UBL3: variants seen among roughly 807,000 people sequenced by gnomAD.
The protein encoded by UBL3 is ubiquitin like 3, also known as ubiquitin-like protein 3.
A neutral mutation model predicts 18.4 loss-of-function variants in UBL3; 6 were observed. The observed-to-expected ratio is 0.33, with a 90% CI of 0.18 to 0.64. The LOEUF (loss-of-function observed/expected upper bound fraction) is 0.64, where lower values mean the gene tolerates loss of function less well. UBL3 is among the 30% of genes least tolerant of loss of function. The pLI is 0.76. For synonymous variants in UBL3, 49 were observed against 46.6 expected, an observed-to-expected ratio of 1.05 and a Z score of -0.21; for missense variants, 109 against 142.9, an observed-to-expected ratio of 0.76 and a Z score of 1.21.
chr13:29,779,204 C>CTAA, intron 1 of UBL3: 1 of 500,570 alleles, frequency 2.0e-6, no homozygotes, highest in Non-Finnish European at 4.0e-6. Flanking sequence ...AGCAAGGAAC[C>CTAA]TAACATCTAT....
In UBL3 at chr13:29,850,177, A is replaced by G. The variant is rs1229583077; in HGVS notation, c.-639T>C. 1 of 152,606 alleles carries G rather than the reference A, an allele frequency of 6.6e-6. No homozygotes were observed. The highest frequency in any genetic ancestry group is 1.5e-5 in the Non-Finnish European group (1 of 68,316). The allele number at this position is 152,606 out of a possible 1,614,324, so 9.5% of individuals were successfully genotyped here. On this transcript the variant is annotated 5_prime_UTR_variant, in exon 1 of 5. Transcript: ENST00000380680. ...GGAAACCCGCGCTCAAGGGCATTTA[A>G]CTAGTTGGAAGCCAAAGCGAAAGAC...
rs768052490 is a variant in UBL3 at position 29,781,091 on chromosome 13, C to G, written c.28-3828G>C. Among the ~76,000 whole-genome samples, 78 of 152,046 alleles carry G rather than the reference C, an allele frequency of 5.1e-4. 1 individual carries two copies. The highest frequency in any genetic ancestry group is 3.4e-4 in the Non-Finnish European group (23 of 68,022). ...TTGGGAGGCTGAGGCAGGAGAATCA[C>G]TTGAACCCCAGAGGCAGAGGTTGCA... On this transcript the variant is annotated intron_variant, in intron 1 of 4. Transcript: ENST00000380680.
rs11372209 is a variant in UBL3, at chr13:29,848,280, CAAAAAAAAAAAAAAAA to C, written c.27+1216_27+1231del. On this transcript the variant is annotated intron_variant, in intron 1 of 4. Transcript: ENST00000380680. Reference sequence around the variant, plus strand: ...CCAACATGGTGAAACCCTGTCTCCACAAAAAAAAAAAAAAAAAAAAAAAAAAATTAGCCAGGTGTGG... The same window carrying C: ...CCAACATGGTGAAACCCTGTCTCCACAAAAAAAAAAATTAGCCAGGTGTGG... 6.0e-4 allele frequency among the ~76,000 whole-genome samples: 41 copies of C among 68,322 alleles called. No homozygotes were observed. In the South Asian group the frequency reaches 0.015, roughly 25 times the overall value. The allele number at this position is 68,322 out of a possible 152,430, so 44.8% of individuals were successfully genotyped here.
chr13:29,828,049 G>T (rs1878670869), intron 1 of UBL3, among the ~76,000 whole-genome samples: 1 of 152,182 alleles, frequency 6.6e-6, no homozygotes, highest in Non-Finnish European at 1.5e-5. Context: ...CAAGAGATCA[G>T]CTGTTAGTCT....
intron 1 of UBL3, among the ~76,000 whole-genome samples, chr13:29,783,473 G>A (rs781102251): frequency 1.3e-5 from 2 of 152,246 alleles, no homozygotes; most frequent in Middle Eastern, 3.4e-3. Flanking sequence ...AAGAAAGATG[G>A]AGAAAAACAC....
chr13:29,840,904 C>T (rs1346013652), intron 1 of UBL3, among the ~76,000 whole-genome samples: 1 of 152,018 alleles, frequency 6.6e-6, no homozygotes, highest in Non-Finnish European at 1.5e-5. Flanking sequence ...TACTTATTTG[C>T]ATAGATAGAT....
At chr13:29,810,213 A>G (rs1878014308) in intron 1 of UBL3, among the ~76,000 whole-genome samples, 1 of 152,132 alleles carries the variant, frequency 6.6e-6, no homozygotes, top group Non-Finnish European at 1.5e-5. Context: ...TTGTTTTTTA[A>G]AAAGTGGAGA....
Position 29,764,700 on chromosome 13 carries a change from T to C in UBL3, c.*2555A>G. On this transcript the variant is annotated 3_prime_UTR_variant, in exon 5 of 5. Transcript: ENST00000380680. The stretch of plus-strand genomic sequence containing the variant: ...ACACTTAACAAAGTTCAGGACAATT[T>C]AGGTAAAAGAGATGAGTGAGACACC... 1 of 152,222 alleles carries C rather than the reference T, an allele frequency of 6.6e-6. No homozygotes were observed. The highest frequency in any genetic ancestry group is 1.9e-4 in the East Asian group (1 of 5,198). The allele number at this position is 152,222 out of a possible 1,614,324, so 9.4% of individuals were successfully genotyped here.
intron 1 of UBL3, among the ~76,000 whole-genome samples, chr13:29,787,151 C>T (rs1456944672): frequency 6.6e-6 from 1 of 152,018 alleles, no homozygotes; most frequent in East Asian, 1.9e-4. Flanking sequence ...AATTAGCCTC[C>T]TTGCTTTCTA....
chr13:29,810,691 G>A (rs1012949080), intron 1 of UBL3, among the ~76,000 whole-genome samples: 3 of 152,044 alleles, frequency 2.0e-5, no homozygotes, highest in African/African-American at 7.2e-5. Context: ...TAGTGTAACA[G>A]TGAGTTTTCT....
Position 29,849,603 on chromosome 13 carries a change from C to T in UBL3, c.-65G>A. 6.3e-7 allele frequency: 1 copy of T among 1,593,656 alleles called. No homozygotes were observed. The highest frequency in any genetic ancestry group is 8.6e-7 in the Non-Finnish European group (1 of 1,166,202). ...CAAACAAAGAAAAAAGAGCAGAAGTCTTCACGTTACAGAAATAAACCACGA... is the reference window on the plus strand; with the variant it reads ...CAAACAAAGAAAAAAGAGCAGAAGTTTTCACGTTACAGAAATAAACCACGA... On this transcript the variant is annotated 5_prime_UTR_variant, in exon 1 of 5. Coordinates refer to ENST00000380680, the MANE Select transcript of UBL3 (RefSeq NM_007106.4).
At chr13:29,846,705 C>G (rs1160042587) in intron 1 of UBL3, among the ~76,000 whole-genome samples, 1 of 152,134 alleles carries the variant, frequency 6.6e-6, no homozygotes, top group East Asian at 1.9e-4. Flanking sequence ...CCACTCCATC[C>G]CATCTCCCCA....
At chr13:29,797,765 T>C (rs2139329839) in intron 1 of UBL3, among the ~76,000 whole-genome samples, 1 of 152,320 alleles carries the variant, frequency 6.6e-6, no homozygotes, top group African/African-American at 2.4e-5. Flanking sequence ...TGGCTGTCCC[T>C]GGTTTGTCCT....
intron 1 of UBL3, among the ~76,000 whole-genome samples, chr13:29,843,055 A>T (rs1453542938): frequency 6.6e-6 from 1 of 152,228 alleles, no homozygotes; most frequent in African/African-American, 2.4e-5. Flanking sequence ...ATCACAGGAA[A>T]AAACAGCTGC....
chr13:29,845,084 T>C (rs765404), intron 1 of UBL3, among the ~76,000 whole-genome samples: 40,509 of 151,874 alleles, frequency 0.27, 5,462 homozygotes, highest in East Asian at 0.42. Context: ...GTAAGAGGAA[T>C]GTCAAAAGCA....
intron 1 of UBL3, among the ~76,000 whole-genome samples, chr13:29,841,699 G>T (rs973156573): frequency 6.6e-6 from 1 of 152,166 alleles, no homozygotes; most frequent in Non-Finnish European, 1.5e-5. Context: ...CTCAGTTACC[G>T]TTGTGGGGAG....
chr13:29,829,307 C>G (rs1051960242), intron 1 of UBL3, among the ~76,000 whole-genome samples: 1 of 152,206 alleles, frequency 6.6e-6, no homozygotes, highest in Non-Finnish European at 1.5e-5. Context: ...CAGAGGCAGG[C>G]AGGCCTCCCT....
chr13:29,768,992 T>C (rs9578136), intron 3 of UBL3, among the ~76,000 whole-genome samples: 42,597 of 152,004 alleles, frequency 0.28, 6,046 homozygotes, highest in East Asian at 0.42. Context: ...TACTTCCAAC[T>C]GTGTAACTCT....
At chr13:29,827,894 G>A (rs573442740) in intron 1 of UBL3, among the ~76,000 whole-genome samples, 1 of 152,186 alleles carries the variant, frequency 6.6e-6, no homozygotes. Flanking sequence ...AAATCTCTCA[G>A]CATTTGCTTG....
Sources: allele counts gnomAD v4.1 joint callset (sites outside exome capture counted in the v4.1 genomes callset), GRCh38; gene constraint gnomAD v4.1.1; transcripts MANE v1.5; gene names NCBI Gene and HGNC (gene_info 2026-07-23, HGNC 2026-07-21).